The following COMMD7 variants were observed in gnomAD, a reference collection of about 807,000 sequenced individuals.
The protein encoded by COMMD7 is COMM domain containing 7.
COMMD7 carries 28 observed loss-of-function variants against 34.8 expected under a neutral mutation model. The observed-to-expected ratio is 0.80, with a 90% CI of 0.60 to 1.10. The LOEUF (loss-of-function observed/expected upper bound fraction) is 1.10, where lower values mean the gene tolerates loss of function less well. Ranked by LOEUF, COMMD7 falls within the 50% of genes least tolerant of loss-of-function variation. COMMD7 has a pLI of 0.00. For synonymous variants in COMMD7, 80 were observed against 86.4 expected, an observed-to-expected ratio of 0.93 and a Z score of 0.41; for missense variants, 211 against 241.6, an observed-to-expected ratio of 0.87 and a Z score of 0.84.
chr20:32,715,107 G>A (rs1418861528), intron 3 of COMMD7, among the ~76,000 whole-genome samples: 1 of 151,914 alleles, frequency 6.6e-6, no homozygotes, highest in Non-Finnish European at 1.5e-5. Flanking sequence ...GATCGAGGCT[G>A]CAGTAAGCAG....
chr20:32,728,059 C>T, intron 2 of COMMD7, 30 bp downstream of exon 2: 1 of 1,611,764 alleles, frequency 6.2e-7, no homozygotes, highest in Non-Finnish European at 8.5e-7. Flanking sequence ...GAGCACGGAC[C>T]CACTCCCTAA....
chr20:32,720,287 G>A (rs1466468806), intron 3 of COMMD7, among the ~76,000 whole-genome samples: 1 of 152,130 alleles, frequency 6.6e-6, no homozygotes, highest in Non-Finnish European at 1.5e-5. Context: ...TTGAGATCAG[G>A]AGTTCGAGAC....
chr20:32,706,502 G>T (rs1357781147), intron 5 of COMMD7, 81 bp downstream of exon 5: 4 of 1,136,798 alleles, frequency 3.5e-6, no homozygotes, highest in Admixed American at 4.2e-5. Flanking sequence ...GACAGAATGC[G>T]ACTCCATCTC....
intron 3 of COMMD7, among the ~76,000 whole-genome samples, chr20:32,721,469 G>A (rs1157269320): frequency 6.6e-6 from 1 of 151,098 alleles, no homozygotes; most frequent in African/African-American, 2.4e-5. Flanking sequence ...AAATTGCTGG[G>A]CAGGACGGCT....
chr20:32,710,728 CAAAAAAAAA>C (rs34067876), intron 3 of COMMD7, among the ~76,000 whole-genome samples: 1 of 94,600 alleles, frequency 1.1e-5, no homozygotes, highest in Non-Finnish European at 2.2e-5. Context: ...GACCTCATCT[CAAAAAAAAA>C]AAAAAAAAAA....
intron 3 of COMMD7, among the ~76,000 whole-genome samples, chr20:32,727,224 C>CA (rs765025702): frequency 8.1e-4 from 100 of 123,860 alleles, no homozygotes; most frequent in Middle Eastern, 9.0e-3. Flanking sequence ...AAGACCCTGT[C>CA]AAAAAAAAAA....
intron 3 of COMMD7, among the ~76,000 whole-genome samples, chr20:32,716,038 G>T (rs1296702210): frequency 6.6e-6 from 1 of 151,896 alleles, no homozygotes; most frequent in African/African-American, 2.4e-5. Flanking sequence ...TAGTTCTCAG[G>T]TACCATTGGG....
At chr20:32,741,702 T>C (rs1330490684) in intron 1 of COMMD7, among the ~76,000 whole-genome samples, 1 of 152,184 alleles carries the variant, frequency 6.6e-6, no homozygotes, top group Non-Finnish European at 1.5e-5. Flanking sequence ...TTATCTTTTA[T>C]ACTGTATTTG....
At chr20:32,715,134 C>T (rs1432563150) in intron 3 of COMMD7, among the ~76,000 whole-genome samples, 8 of 152,040 alleles carry the variant, frequency 5.3e-5, no homozygotes, top group African/African-American at 1.9e-4. Context: ...TGCCACTGCA[C>T]TCCAGCCTGG....
intron 1 of COMMD7, 61 bp downstream of exon 1, chr20:32,743,233 GACGTCCCCCCCACC>G: frequency 1.3e-6 from 1 of 775,706 alleles, no homozygotes. Context: ...CGCACCCCCG[GACGTCCCCCCCACC>G]CCAGGCCCGG....
chr20:32,703,544 T>C (rs1983873351), intron 8 of COMMD7, 86 bp from the exon 9 acceptor site: 1 of 1,527,534 alleles, frequency 6.5e-7, no homozygotes, highest in African/African-American at 1.4e-5. Flanking sequence ...GGAGGATTTT[T>C]TTTTTCTTTT....
chr20:32,717,564 G>A lies in COMMD7; in HGVS notation c.241+10329C>T, dbSNP rs545570489. Among the ~76,000 whole-genome samples the A allele has an allele frequency of 3.8e-4, 58 of 152,034 alleles. No homozygotes were observed. The South Asian group carries it at 4.2e-3, about 11-fold the overall frequency. On this transcript the variant is annotated intron_variant, in intron 3 of 8. Transcript: ENST00000278980. ...TGGTCTCAAACTCTTGACCTCAAGC[G>A]ATCCGCCCACCTCAGCCTCCCAAAG...
chr20:32,722,246 G>GAAAAAAAAA (rs747223357), intron 3 of COMMD7, among the ~76,000 whole-genome samples: 3 of 37,018 alleles, frequency 8.1e-5, no homozygotes, highest in Non-Finnish European at 1.3e-4. Context: ...ACTCTGTCTC[G>GAAAAAAAAA]AAAAAAAAAA....
chr20:32,703,691 C>A (rs1246169075), intron 8 of COMMD7: 6 of 1,436,448 alleles, frequency 4.2e-6, no homozygotes, highest in Non-Finnish European at 5.4e-6. Flanking sequence ...CTCCATGGCA[C>A]AAAGAGATGA....
intron 1 of COMMD7, among the ~76,000 whole-genome samples, chr20:32,732,826 C>T (rs1029528603): frequency 1.3e-5 from 2 of 150,478 alleles, no homozygotes; most frequent in African/African-American, 4.9e-5. Flanking sequence ...GTCCCAGCTA[C>T]TCGGGAGGCT....
chr20:32,742,793 G>A (rs1248448493), intron 1 of COMMD7, among the ~76,000 whole-genome samples: 1 of 152,060 alleles, frequency 6.6e-6, no homozygotes, highest in African/African-American at 2.4e-5. Context: ...GATGTAAGAC[G>A]GCAGCCCAGG....
At chr20:32,735,403 C>G (rs57075486) in intron 1 of COMMD7, among the ~76,000 whole-genome samples, 1 of 151,586 alleles carries the variant, frequency 6.6e-6, no homozygotes, top group East Asian at 2.0e-4. Context: ...CTGCAACCTC[C>G]GCCTCCTGGG....
At chr20:32,718,261 G>A (rs1178725902) in intron 3 of COMMD7, among the ~76,000 whole-genome samples, 5 of 151,814 alleles carry the variant, frequency 3.3e-5, no homozygotes, top group African/African-American at 9.7e-5. Flanking sequence ...AAAATTGGCC[G>A]GGCGTGGTGG....
At chr20:32,743,249 C>G (rs1986535202) in intron 1 of COMMD7, 59 bp downstream of exon 1, 1 of 1,120,246 alleles carries the variant, frequency 8.9e-7, no homozygotes, top group African/African-American at 1.6e-5. Flanking sequence ...CCCCCCACCC[C>G]AGGCCCGGAT....
Sources: gnomAD v4.1 joint callset for allele counts (sites outside exome capture counted in the v4.1 genomes callset) on GRCh38, gnomAD v4.1.1 for gene constraint, MANE v1.5 for transcripts, NCBI Gene and HGNC (gene_info 2026-07-23, HGNC 2026-07-21) for gene names.